The following ATP10D variants were observed in gnomAD, a reference collection of about 807,000 sequenced individuals.
ATP10D encodes phospholipid-transporting ATPase VD.
In ATP10D, 89 loss-of-function variants were observed where a neutral mutation model predicts 144.8. That is an observed-to-expected ratio of 0.61 (90% CI 0.52 to 0.73). ATP10D has a LOEUF of 0.73. Among genes scored for constraint, ATP10D ranks in the 30% least tolerant of loss-of-function variants. The pLI, the probability that ATP10D is intolerant of heterozygous loss-of-function variation, is 0.00. For missense variants in ATP10D, 1,603 were observed against 1,714.8 expected, an observed-to-expected ratio of 0.93 and a Z score of 1.15; for synonymous variants, 571 against 615.1, an observed-to-expected ratio of 0.93 and a Z score of 1.06.
chr4:47,508,122 G>A (rs1716121521), intron 1 of ATP10D, among the ~76,000 whole-genome samples: 1 of 152,140 alleles, frequency 6.6e-6, no homozygotes, highest in Non-Finnish European at 1.5e-5. Flanking sequence ...GGGGGTCTTG[G>A]GCAACAGAGG....
Position 47,557,758 on chromosome 4 carries a change from C to T in ATP10D, c.1919C>T (p.Pro640Leu), listed in dbSNP as rs552234860. Reference sequence around the variant, plus strand: ...TGGTCTGTCCGAAGATCAAGTTCTCCATCGCTTAACAGTGGGAAAGAGCCA... The same window carrying T: ...TGGTCTGTCCGAAGATCAAGTTCTCTATCGCTTAACAGTGGGAAAGAGCCA... ...QRWSVRRSSS[P>L]SLNSGKEPSS... The change falls in exon 12 of 23, where the codon CCA becomes CTA. Residue 640 changes from proline (P) to leucine (L), a missense_variant. Transcript: ENST00000273859. 39 of 1,614,200 alleles carry T rather than the reference C, an allele frequency of 2.4e-5. No individual in the cohort carries two copies. Among genetic ancestry groups the T allele is most frequent in the Middle Eastern group, 3.3e-4 (2 of 6,062 alleles).
chr4:47,536,791 A>G lies in ATP10D; in HGVS notation c.1249A>G (p.Ile417Val), dbSNP rs775839118. The change falls in exon 9 of 23, where the codon ATT (isoleucine) becomes GTT (valine). Residue 417 changes from isoleucine to valine, a missense_variant. Transcript: ENST00000273859. ...TTTCTACAATGAAAAAATGGATTCT[A>G]TTGTTCAGTGCCGAGCCCTGAACAT... is the stretch of plus-strand genomic sequence containing the variant. The part of the protein sequence containing the change: ...VDFYNEKMDS[I>V]VQCRALNIAE... The G allele has an allele frequency of 3.7e-6, 6 of 1,613,218 alleles. No homozygotes were observed. Among genetic ancestry groups the G allele is most frequent in the East Asian group, 2.2e-5 (1 of 44,860 alleles).
In ATP10D at chr4:47,520,576, GTT is replaced by G. The variant is rs1293369981; in HGVS notation, c.486-2431_486-2430del. ...GGTAACTTCTTTTTTGTTTTGTTTT[GTT>G]TTTTGAGACAGAGTCTTGCTCTGTC... On this transcript the variant is annotated intron_variant, in intron 3 of 22. Transcript: ENST00000273859. Among the ~76,000 whole-genome samples, 12 of 151,460 alleles carry G rather than the reference GTT, an allele frequency of 7.9e-5. No individual in the cohort carries two copies. In the South Asian group the frequency reaches 2.1e-3, roughly 26 times the overall value.
At chr4:47,547,087 T>C in intron 10 of ATP10D, 1 of 525,400 alleles carries the variant, frequency 1.9e-6, no homozygotes, top group East Asian at 3.0e-5. Flanking sequence ...GTATACCATT[T>C]CTGAAAAAAA....
chr4:47,485,872 C>T (rs1488965283), intron 1 of ATP10D, among the ~76,000 whole-genome samples: 2 of 75,830 alleles, frequency 2.6e-5, no homozygotes, highest in Admixed American at 2.5e-4. Context: ...CACGGGCACG[C>T]ACACACACGC....
At chr4:47,567,501 T>A (rs913291976) in intron 15 of ATP10D, among the ~76,000 whole-genome samples, 1 of 152,248 alleles carries the variant, frequency 6.6e-6, no homozygotes, top group South Asian at 2.1e-4. Flanking sequence ...TGTTATTGTA[T>A]GGTATTGCAG....
chr4:47,522,938 AT>A (rs200032051), intron 3 of ATP10D, 73 bp from the exon 4 acceptor site: 26 of 1,246,810 alleles, frequency 2.1e-5, no homozygotes, highest in East Asian at 5.1e-5. Context: ...ACGCTAAAAA[AT>A]TTTTTAAAAA....
intron 1 of ATP10D, among the ~76,000 whole-genome samples, chr4:47,511,748 T>C (rs758133214): frequency 2.0e-5 from 3 of 152,222 alleles, no homozygotes; most frequent in African/African-American, 7.2e-5. Flanking sequence ...AATTTGTGCC[T>C]TCTGGGCACA....
At chr4:47,566,148 C>T (rs1719629686) in intron 15 of ATP10D, among the ~76,000 whole-genome samples, 1 of 152,208 alleles carries the variant, frequency 6.6e-6, no homozygotes, top group Non-Finnish European at 1.5e-5. Context: ...GGCAATGTGG[C>T]AGCCAGTGGA....
rs1321114603 is a variant in ATP10D, at chr4:47,554,882, G to A, written c.1792G>A (p.Val598Met). ...TGCATTGGCAATTTGCAACACAGTA[G>A]TGGTTTCTGCTCCTAACCAACCCCG... ...FIALAICNTV[V>M]VSAPNQPRQK... The change falls in exon 11 of 23, where the codon GTG (valine) becomes ATG (methionine). Residue 598 changes from valine to methionine, a missense_variant. Coordinates refer to ENST00000273859, the MANE Select transcript of ATP10D (RefSeq NM_020453.4). The A allele has an allele frequency of 1.2e-6, 2 of 1,614,006 alleles. No individual in the cohort carries two copies. Among genetic ancestry groups the A allele is most frequent in the African/African-American group, 1.3e-5 (1 of 74,910 alleles).
Position 47,584,321 on chromosome 4 carries a change from A to G in ATP10D, c.3753+2257A>G, listed in dbSNP as rs188665817. Among the ~76,000 whole-genome samples the G allele has an allele frequency of 1.1e-4, 16 of 152,268 alleles. No homozygotes were observed. In the South Asian group the frequency reaches 3.3e-3, roughly 32 times the overall value. The stretch of plus-strand genomic sequence containing the variant: ...TCTTTGTATCAATTAACTTAAATGT[A>G]TAAACTCTATGAAGTCACTATCTCA... On this transcript the variant is annotated intron_variant, in intron 21 of 22. Coordinates refer to ENST00000273859, the MANE Select transcript of ATP10D (RefSeq NM_020453.4).
intron 3 of ATP10D, among the ~76,000 whole-genome samples, chr4:47,517,665 A>T (rs1716760394): frequency 6.6e-6 from 1 of 152,226 alleles, no homozygotes; most frequent in African/African-American, 2.4e-5. Flanking sequence ...TTATAGGTTA[A>T]TAATGACTAT....
chr4:47,551,068 A>G (rs1037114709), intron 10 of ATP10D, among the ~76,000 whole-genome samples: 2 of 152,206 alleles, frequency 1.3e-5, no homozygotes, highest in Non-Finnish European at 2.9e-5. Context: ...ATGATTGGCT[A>G]TTTGTTTACC....
rs139728510 is a variant in ATP10D, at chr4:47,557,801, C to T, written c.1962C>T (p.Asn654=). 2.5e-4 allele frequency: 404 copies of T among 1,614,188 alleles called. 3 individuals are homozygous for T. The African/African-American group carries it at 4.0e-3, about 16-fold the overall frequency. ...SGKEPSSGVP[N]AFVSRLPLFS... is the part of the protein sequence containing the mutation. ...AAGAGCCATCTTCTGGAGTTCCAAA[C>T]GCCTTTGTGAGCAGACTCCCTCTCT... Residue 654 remains asparagine, a synonymous_variant, in exon 12 of 23, where the codon AAC becomes AAT. Coordinates refer to ENST00000273859, the MANE Select transcript of ATP10D (RefSeq NM_020453.4).
intron 15 of ATP10D, among the ~76,000 whole-genome samples, chr4:47,567,466 A>G (rs1719701648): frequency 6.6e-6 from 1 of 152,184 alleles, no homozygotes; most frequent in African/African-American, 2.4e-5. Context: ...CTGTAAGCAT[A>G]TTGGTGCCAC....
intron 9 of ATP10D, among the ~76,000 whole-genome samples, chr4:47,540,706 T>G (rs944702693): frequency 6.6e-6 from 1 of 152,194 alleles, no homozygotes. Context: ...TGATACATTA[T>G]TATTAATTGA....
intron 9 of ATP10D, among the ~76,000 whole-genome samples, chr4:47,542,719 T>C (rs1718215435): frequency 6.6e-6 from 1 of 152,120 alleles, no homozygotes; most frequent in African/African-American, 2.4e-5. Flanking sequence ...CCTCAGGTGA[T>C]CCACCCACCT....
chr4:47,562,424 C>A (rs73238603), intron 14 of ATP10D, among the ~76,000 whole-genome samples: 20,727 of 152,012 alleles, frequency 0.14, 1,692 homozygotes, highest in Non-Finnish European at 0.19. Context: ...AAGTGGCCAA[C>A]AAACATGAAA....
intron 18 of ATP10D, among the ~76,000 whole-genome samples, chr4:47,574,145 C>T (rs1720104818): frequency 6.6e-6 from 1 of 152,182 alleles, no homozygotes; most frequent in Non-Finnish European, 1.5e-5. Context: ...ATTTGTTCAC[C>T]TTCTCCCCTA....
Sources: gnomAD v4.1 joint callset for allele counts (sites outside exome capture counted in the v4.1 genomes callset) on GRCh38, gnomAD v4.1.1 for gene constraint, MANE v1.5 for transcripts, NCBI Gene and HGNC (gene_info 2026-07-23, HGNC 2026-07-21) for gene names.